Variants in PHACTR1 observed in about 807,000 individuals in gnomAD.
PHACTR1 encodes the protein RPEL repeat containing 1.
A neutral mutation model predicts 69.2 loss-of-function variants in PHACTR1; 16 were observed. The observed-to-expected ratio is 0.23, with a 90% CI of 0.16 to 0.35. PHACTR1 has a LOEUF of 0.35. Among genes scored for constraint, PHACTR1 ranks in the 10% least tolerant of loss-of-function variants. PHACTR1 has a pLI of 1.00. For synonymous variants in PHACTR1, 312 were observed against 284.5 expected, an observed-to-expected ratio of 1.10 and a Z score of -0.97; for missense variants, 510 against 734.7, an observed-to-expected ratio of 0.69 and a Z score of 3.54.
At position 13,239,458 on chromosome 6, in the gene PHACTR1, C is replaced by CTA. The variant is rs540012722; in HGVS notation, c.1391+9268_1391+9269dup. 2.6e-5 allele frequency among the ~76,000 whole-genome samples: 4 copies of CTA among 152,170 alleles called. No individual in the cohort carries two copies. In the South Asian group the frequency reaches 8.3e-4, roughly 32 times the overall value. On this transcript the variant is annotated intron_variant, in intron 10 of 14. Coordinates refer to ENST00000332995, the MANE Select transcript of PHACTR1 (RefSeq NM_030948.6). ...TGAAAGGTGCTCAGATGAGCTCAGG[C>CTA]TATAGCACTACCTGTTTGATAGAAA...
intron 4 of PHACTR1, among the ~76,000 whole-genome samples, chr6:13,046,286 G>A (rs569154981): frequency 2.0e-5 from 3 of 152,192 alleles, no homozygotes; most frequent in East Asian, 3.9e-4. Context: ...CATCCCCACC[G>A]GGACTTGCAT....
intron 4 of PHACTR1, among the ~76,000 whole-genome samples, chr6:12,973,172 A>G (rs1198726389): frequency 6.6e-6 from 1 of 152,238 alleles, no homozygotes; most frequent in Non-Finnish European, 1.5e-5. Context: ...ACCCTGCTCT[A>G]GAAACCCTTT....
At chr6:12,806,987 A>C (rs1341761986) in intron 4 of PHACTR1, among the ~76,000 whole-genome samples, 2 of 152,222 alleles carry the variant, frequency 1.3e-5, no homozygotes, top group African/African-American at 4.8e-5. Context: ...TATTTTTATG[A>C]TGACATTTTT....
chr6:13,232,548 G>A (rs902121961), intron 10 of PHACTR1, among the ~76,000 whole-genome samples: 1 of 152,194 alleles, frequency 6.6e-6, no homozygotes, highest in Non-Finnish European at 1.5e-5. Flanking sequence ...TAGAGAGCCT[G>A]TCCCATTGTT....
chr6:12,817,715 T>G (rs1343558033), intron 4 of PHACTR1, among the ~76,000 whole-genome samples: 9 of 152,226 alleles, frequency 5.9e-5, no homozygotes, highest in Admixed American at 2.6e-4. Flanking sequence ...ATGTGGGTTA[T>G]ATTTTTCAGG....
At chr6:12,986,545 G>A (rs1401018862) in intron 4 of PHACTR1, among the ~76,000 whole-genome samples, 3 of 152,162 alleles carry the variant, frequency 2.0e-5, no homozygotes, top group East Asian at 3.9e-4. Flanking sequence ...GTGTTTGTTT[G>A]ATGCCAGTTC....
chr6:12,806,660 C>G (rs1774368351), intron 4 of PHACTR1, among the ~76,000 whole-genome samples: 1 of 152,100 alleles, frequency 6.6e-6, no homozygotes. Context: ...AGTATAACTT[C>G]TGCCATTCCT....
intron 4 of PHACTR1, among the ~76,000 whole-genome samples, chr6:12,844,374 G>A (rs1378858964): frequency 1.3e-5 from 2 of 152,174 alleles, no homozygotes; most frequent in Middle Eastern, 3.4e-3. Context: ...TCCATCCTGA[G>A]TGACAGAGCA....
At chr6:12,814,149 A>G (rs1242054439) in intron 4 of PHACTR1, among the ~76,000 whole-genome samples, 4 of 152,164 alleles carry the variant, frequency 2.6e-5, no homozygotes, top group Non-Finnish European at 4.4e-5. Context: ...AGCAATTTCT[A>G]GTGCATGTTT....
At chr6:12,784,434 A>G (rs1771248425) in intron 4 of PHACTR1, among the ~76,000 whole-genome samples, 2 of 151,954 alleles carry the variant, frequency 1.3e-5, no homozygotes, top group Admixed American at 1.3e-4. Flanking sequence ...ATATACATAT[A>G]CACACATATC....
intron 4 of PHACTR1, among the ~76,000 whole-genome samples, chr6:13,048,740 C>T (rs1368627159): frequency 1.3e-5 from 2 of 152,216 alleles, no homozygotes; most frequent in South Asian, 4.1e-4. Flanking sequence ...CCATGTTGGC[C>T]AGGCTGGTCT....
intron 4 of PHACTR1, among the ~76,000 whole-genome samples, chr6:12,844,521 G>A (rs541976158): frequency 1.2e-4 from 19 of 152,252 alleles, no homozygotes; most frequent in African/African-American, 3.9e-4. Flanking sequence ...ATGATGTACT[G>A]GGCAAAGTTC....
At chr6:12,942,590 C>T (rs775461422) in intron 4 of PHACTR1, among the ~76,000 whole-genome samples, 7 of 151,932 alleles carry the variant, frequency 4.6e-5, no homozygotes, top group Non-Finnish European at 7.4e-5. Context: ...ACCCAGGAGG[C>T]GGCAGGTTCA....
At chr6:12,934,875 A>G (rs9349390) in intron 4 of PHACTR1, among the ~76,000 whole-genome samples, 21,857 of 151,944 alleles carry the variant, frequency 0.14, 3,356 homozygotes, top group African/African-American at 0.39. Flanking sequence ...ATGAGCACTT[A>G]CCAGCTAATA....
chr6:12,766,401 GA>G (rs1358762073), intron 4 of PHACTR1, among the ~76,000 whole-genome samples: 36 of 152,258 alleles, frequency 2.4e-4, no homozygotes, highest in African/African-American at 6.7e-4. Flanking sequence ...ACAGAACTCT[GA>G]GGTCCATAAG....
intron 6 of PHACTR1, among the ~76,000 whole-genome samples, chr6:13,163,504 A>G (rs986931400): frequency 1.3e-5 from 2 of 152,224 alleles, no homozygotes; most frequent in African/African-American, 2.4e-5. Flanking sequence ...TAGATGCTCA[A>G]AAATGTTTAC....
intron 5 of PHACTR1, among the ~76,000 whole-genome samples, chr6:13,136,034 T>C (rs1478353973): frequency 6.6e-6 from 1 of 152,214 alleles, no homozygotes; most frequent in Non-Finnish European, 1.5e-5. Context: ...CATGTATTTA[T>C]ATAAAAGTGA....
At chr6:12,911,922 G>C (rs1190083252) in intron 4 of PHACTR1, among the ~76,000 whole-genome samples, 1 of 152,318 alleles carries the variant, frequency 6.6e-6, no homozygotes, top group East Asian at 1.9e-4. Context: ...AAGGTGAAAG[G>C]AAAATACATC....
At chr6:12,805,647 C>T (rs1199640907) in intron 4 of PHACTR1, among the ~76,000 whole-genome samples, 2 of 151,278 alleles carry the variant, frequency 1.3e-5, no homozygotes, top group African/African-American at 4.9e-5. Flanking sequence ...GTTGCCCAGG[C>T]TGGAGTGCAA....
Sources: gnomAD v4.1 joint callset for allele counts (sites outside exome capture counted in the v4.1 genomes callset) on GRCh38, gnomAD v4.1.1 for gene constraint, MANE v1.5 for transcripts, NCBI Gene and HGNC (gene_info 2026-07-23, HGNC 2026-07-21) for gene names.